Variants in SV2B observed in about 807,000 individuals in gnomAD.
SV2B encodes solute carrier family 22 member B2.
SV2B carries 41 observed loss-of-function variants against 73.9 expected under a neutral mutation model. The observed-to-expected ratio is 0.56, with a 90% CI of 0.43 to 0.72. The LOEUF is 0.72. Among genes scored for constraint, SV2B ranks in the 30% least tolerant of loss-of-function variants. SV2B has a pLI of 0.00. For synonymous variants in SV2B, 314 were observed against 314.2 expected, an observed-to-expected ratio of 1.00 and a Z score of 0.01; for missense variants, 764 against 857.8, an observed-to-expected ratio of 0.89 and a Z score of 1.37.
At position 91,290,055 on chromosome 15, in the gene SV2B, A is replaced by G. The variant is rs564036440; in HGVS notation, c.1868+375A>G. 1.3e-5 allele frequency among the ~76,000 whole-genome samples: 2 copies of G among 152,222 alleles called. No individual in the cohort carries two copies. The highest frequency in any genetic ancestry group is 2.9e-5 in the Non-Finnish European group (2 of 68,042). On this transcript the variant is annotated intron_variant, in intron 12 of 12. Transcript: ENST00000394232. This position sits in a 1 kb window ranked among gnomAD's most constrained non-coding sequence, Gnocchi z 4.7. Reference sequence around the variant, plus strand: ...GGAATAGCACAGGGTGGGGGCAAGGAGAGAAATAAAGGTCGGGAGGCAGCA... The same window carrying G: ...GGAATAGCACAGGGTGGGGGCAAGGGGAGAAATAAAGGTCGGGAGGCAGCA...
Position 91,225,492 on chromosome 15 carries a change from T to G in SV2B, c.-391-381T>G, listed in dbSNP as rs897169693. Among the ~76,000 whole-genome samples the G allele has an allele frequency of 2.6e-5, 4 of 152,354 alleles. No homozygotes were observed. The East Asian group carries it at 7.7e-4, about 29-fold the overall frequency. ...CTTAGAGTATAAATCCCTTGACCAC[T>G]TTATATTTCATTCTTGCATAACATT... is the stretch of plus-strand genomic sequence containing the variant. On this transcript the variant is annotated intron_variant, in intron 1 of 12. Transcript: ENST00000394232.
rs1045856383 is a variant in SV2B, at chr15:91,132,028, G to C, written c.-392+31665G>C. 6.6e-6 allele frequency among the ~76,000 whole-genome samples: 1 copy of C among 152,206 alleles called. No individual in the cohort carries two copies. The highest frequency in any genetic ancestry group is 1.9e-4 in the East Asian group (1 of 5,190). On this transcript the variant is annotated intron_variant, in intron 1 of 12. Transcript: ENST00000394232. This position sits in a 1 kb window ranked among gnomAD's most constrained non-coding sequence, Gnocchi z 4.6. ...GGTGATGTCACTGGTAGAGGGTCGT[G>C]ACTGCAAGTTATTGAGGTTCTTGGT...
rs1345174245 is a variant in SV2B, at chr15:91,139,898, G to A, written c.-392+39535G>A. On this transcript the variant is annotated intron_variant, in intron 1 of 12. Transcript: ENST00000394232. The surrounding 1 kb of genome is among the most constrained non-coding windows in gnomAD (Gnocchi z 5.2). ...TAGCCAAGGAAGGGAGGAAGATCCG[G>A]CCACTTTGTTCCTAGAGTTTGGTGA... 1.3e-5 allele frequency among the ~76,000 whole-genome samples: 2 copies of A among 152,190 alleles called. No homozygotes were observed. The highest frequency in any genetic ancestry group is 2.9e-5 in the Non-Finnish European group (2 of 68,028).
At chr15:91,178,901 G>A (rs547616500) in intron 1 of SV2B, among the ~76,000 whole-genome samples, 1 of 148,356 alleles carries the variant, frequency 6.7e-6, no homozygotes, top group South Asian at 2.2e-4. Flanking sequence ...CTTCAGTTCT[G>A]CTCTGATTTT....
rs1252582029 is a variant in SV2B, at chr15:91,106,001, G to A, written c.-392+5638G>A. 2.6e-5 allele frequency among the ~76,000 whole-genome samples: 4 copies of A among 152,094 alleles called. No individual in the cohort carries two copies. Among genetic ancestry groups the A allele is most frequent in the South Asian group, 4.1e-4 (2 of 4,826 alleles). ...GGAGGTCGAGGCTGCAGTGAGTCAC[G>A]ATAATGCCATTGTACTCCAGCCTGG... On this transcript the variant is annotated intron_variant, in intron 1 of 12. Transcript: ENST00000394232. This position sits in a 1 kb window ranked among gnomAD's most constrained non-coding sequence, Gnocchi z 4.4.
At chr15:91,166,412 G>T (rs906205673) in intron 1 of SV2B, among the ~76,000 whole-genome samples, 1 of 151,876 alleles carries the variant, frequency 6.6e-6, no homozygotes, top group African/African-American at 2.4e-5. Context: ...ATTATAATGT[G>T]TCTGGTCATA....
chr15:91,270,043 C>T (rs2048241618), intron 9 of SV2B, among the ~76,000 whole-genome samples: 1 of 152,136 alleles, frequency 6.6e-6, no homozygotes, highest in African/African-American at 2.4e-5. Context: ...CTTGTGTTGA[C>T]ATTGCCAAGG....
In SV2B at chr15:91,299,075, A is replaced by G. The variant is rs1039214277; in HGVS notation, c.*6523A>G. The G allele has an allele frequency of 2.0e-5, 3 of 152,230 alleles. No individual in the cohort carries two copies. The highest frequency in any genetic ancestry group is 4.4e-5 in the Non-Finnish European group (3 of 68,030). 9.4% of individuals were successfully genotyped at this position (152,230 alleles called of 1,614,324 possible). A position where few individuals can be genotyped will look rare whatever the true frequency, so the allele number is the denominator to read the frequency against. The stretch of plus-strand genomic sequence containing the variant: ...CTAAATAGCTTGATTTAGTCACTCT[A>G]AAATGTGGGTGTGTATATATACATA... On this transcript the variant is annotated 3_prime_UTR_variant, in exon 13 of 13. Transcript: ENST00000394232.
At chr15:91,211,657 C>T (rs958615143) in intron 1 of SV2B, among the ~76,000 whole-genome samples, 1 of 152,002 alleles carries the variant, frequency 6.6e-6, no homozygotes, top group African/African-American at 2.4e-5. Context: ...GTGCCCACCA[C>T]CACACCCAGC....
intron 1 of SV2B, among the ~76,000 whole-genome samples, chr15:91,142,138 C>T (rs972612170): frequency 6.6e-6 from 1 of 152,174 alleles, no homozygotes; most frequent in Non-Finnish European, 1.5e-5. Context: ...CAAAAGTCCC[C>T]CTTGACTCTG....
At chr15:91,175,050 C>T (rs558248849) in intron 1 of SV2B, among the ~76,000 whole-genome samples, 1 of 152,276 alleles carries the variant, frequency 6.6e-6, no homozygotes, top group African/African-American at 2.4e-5. Flanking sequence ...ATCTCAGACA[C>T]ACAAATATAT....
intron 2 of SV2B, among the ~76,000 whole-genome samples, chr15:91,251,480 A>T (rs1028511934): frequency 3.3e-5 from 5 of 152,192 alleles, no homozygotes; most frequent in African/African-American, 9.7e-5. Flanking sequence ...CCACCAGTTG[A>T]GGGCTTTTGC....
Position 91,122,189 on chromosome 15 carries a change from T to C in SV2B, c.-392+21826T>C, listed in dbSNP as rs1403041833. On this transcript the variant is annotated intron_variant, in intron 1 of 12. Transcript: ENST00000394232. The surrounding 1 kb of genome is among the most constrained non-coding windows in gnomAD (Gnocchi z 4.3). ...TTTGGACTCCCACTATCTCAGCTACTAGAAATGTATTATCTCATCGATATA... is the reference window on the plus strand; with the variant it reads ...TTTGGACTCCCACTATCTCAGCTACCAGAAATGTATTATCTCATCGATATA... Among the ~76,000 whole-genome samples the C allele has an allele frequency of 6.6e-6, 1 of 152,224 alleles. No individual in the cohort carries two copies. Among genetic ancestry groups the C allele is most frequent in the Non-Finnish European group, 1.5e-5 (1 of 68,044 alleles).
Position 91,258,306 on chromosome 15 carries a change from C to G in SV2B, c.785-115C>G. On this transcript the variant is annotated intron_variant, in intron 4 of 12. Transcript: ENST00000394232. This position sits in a 1 kb window ranked among gnomAD's most constrained non-coding sequence, Gnocchi z 4.7. Reference sequence around the variant, plus strand: ...GCTGAGGAGTCTGCATTTTAACCACCTCCCCGGGTGACTCTCTTGTGCCCT... The same window carrying G: ...GCTGAGGAGTCTGCATTTTAACCACGTCCCCGGGTGACTCTCTTGTGCCCT... The G allele has an allele frequency of 4.1e-6, 6 of 1,453,574 alleles. No individual in the cohort carries two copies. Among genetic ancestry groups the G allele is most frequent in the Non-Finnish European group, 5.5e-6 (6 of 1,085,372 alleles). The allele number at this position is 1,453,574 out of a possible 1,614,324, so 90.0% of individuals were successfully genotyped here.
intron 9 of SV2B, among the ~76,000 whole-genome samples, chr15:91,274,256 A>C (rs1351316583): frequency 6.6e-6 from 1 of 152,222 alleles, no homozygotes; most frequent in Non-Finnish European, 1.5e-5. Flanking sequence ...TTGTTCTCCA[A>C]AGGGATTGCA....
chr15:91,202,812 T>A (rs181772824), intron 1 of SV2B, among the ~76,000 whole-genome samples: 33 of 152,266 alleles, frequency 2.2e-4, no homozygotes, highest in African/African-American at 3.9e-4. Flanking sequence ...TCAATGGGCC[T>A]GGCCTTTTTA....
At chr15:91,143,539 C>A (rs974690328) in intron 1 of SV2B, among the ~76,000 whole-genome samples, 4 of 152,154 alleles carry the variant, frequency 2.6e-5, no homozygotes, top group Admixed American at 6.5e-5. Context: ...ATCATTCTAT[C>A]GATAGCATTC....
At chr15:91,287,439 T>C (rs1234749491) in intron 11 of SV2B, among the ~76,000 whole-genome samples, 2 of 152,184 alleles carry the variant, frequency 1.3e-5, no homozygotes, top group African/African-American at 4.8e-5. Flanking sequence ...TTCCACCTCA[T>C]TGCCAGTCAC....
At position 91,292,628 on chromosome 15, in the gene SV2B, A is replaced by G. The variant is rs776309253; in HGVS notation, c.*76A>G. On this transcript the variant is annotated 3_prime_UTR_variant, in exon 13 of 13. Transcript: ENST00000394232. ...AATGCATCCACACTTCCTGCCTATC[A>G]CGGTCCGGAGGACACCTTGGATAGC... The G allele has an allele frequency of 6.2e-5, 95 of 1,531,258 alleles. No individual in the cohort carries two copies. The highest frequency in any genetic ancestry group is 7.7e-5 in the Non-Finnish European group (88 of 1,138,578). 94.9% of individuals were successfully genotyped at this position (1,531,258 alleles called of 1,614,324 possible).
Sources: allele counts gnomAD v4.1 joint callset (sites outside exome capture counted in the v4.1 genomes callset), GRCh38; gene constraint gnomAD v4.1.1; non-coding constraint Gnocchi (gnomAD v3.1); transcripts MANE v1.5; gene names NCBI Gene and HGNC (gene_info 2026-07-23, HGNC 2026-07-21).